Variants in PYGB observed in about 807,000 individuals in gnomAD.
The protein encoded by PYGB is glycogen phosphorylase B, also known as glycogen phosphorylase, brain form.
PYGB carries 82 observed loss-of-function variants against 94.3 expected under a neutral mutation model. That is an observed-to-expected ratio of 0.87 (90% CI 0.73 to 1.04). The LOEUF (loss-of-function observed/expected upper bound fraction) is 1.04, where lower values mean the gene tolerates loss of function less well. PYGB is among the 50% of genes least tolerant of loss of function. The pLI is 0.00. For missense variants in PYGB, 1,132 were observed against 1,158.2 expected (o/e 0.98, Z 0.33); for synonymous variants, 488 against 479.1 (o/e 1.02, Z -0.24).
intron 1 of PYGB, among the ~76,000 whole-genome samples, chr20:25,255,838 A>T (rs532654086): frequency 6.6e-6 from 1 of 151,522 alleles, no homozygotes; most frequent in Non-Finnish European, 1.5e-5. Flanking sequence ...GGTTCAGGCG[A>T]TTCTCCTGCC....
intron 18 of PYGB, chr20:25,294,988 C>T (rs533878622): frequency 1.2e-6 from 2 of 1,614,200 alleles, no homozygotes; most frequent in African/African-American, 1.3e-5. Context: ...CCAGCTCTGA[C>T]CACATGCTGG....
intron 16 of PYGB, 129 bp from the exon 17 acceptor site, chr20:25,292,277 C>G (rs371268299): frequency 1.3e-6 from 1 of 795,678 alleles, no homozygotes. Context: ...GGGGCTGGAG[C>G]GGGGCCACAG....
chr20:25,283,817 C>G (rs573379253), intron 13 of PYGB, among the ~76,000 whole-genome samples: 2 of 152,294 alleles, frequency 1.3e-5, no homozygotes, highest in Admixed American at 1.3e-4. Context: ...GCTGCTCCGC[C>G]GCCTGCACGC....
chr20:25,254,431 A>C lies in PYGB; in HGVS notation c.244-4806A>C, dbSNP rs1007573031. Among the ~76,000 whole-genome samples the C allele has an allele frequency of 3.9e-5, 6 of 152,196 alleles. No individual in the cohort carries two copies. The East Asian group carries it at 1.2e-3, about 29-fold the overall frequency. On this transcript the variant is annotated intron_variant, in intron 1 of 19. Transcript: ENST00000216962. ...CCTAAGACATGCAGCAAATAACCGCAGGAGATAGGAGCTGGCTTTTTCTCA... is the reference window on the plus strand; with the variant it reads ...CCTAAGACATGCAGCAAATAACCGCCGGAGATAGGAGCTGGCTTTTTCTCA...
intron 18 of PYGB, chr20:25,294,663 C>T (rs561728257): frequency 1.1e-5 from 6 of 567,924 alleles, no homozygotes; most frequent in South Asian, 5.8e-5. Context: ...GGGTAGGGGG[C>T]GCACAAGGGC....
chr20:25,295,781 G>C, intron 19 of PYGB, 111 bp downstream of exon 19: 1 of 1,253,220 alleles, frequency 8.0e-7, no homozygotes, highest in Non-Finnish European at 1.2e-6. Flanking sequence ...CTGGGCCAGA[G>C]GGGTTTGTGA....
intron 1 of PYGB, among the ~76,000 whole-genome samples, chr20:25,256,317 C>A (rs562804478): frequency 6.6e-6 from 1 of 151,666 alleles, no homozygotes; most frequent in Non-Finnish European, 1.5e-5. Context: ...ATATTTTCAT[C>A]TATTTTTGAG....
At chr20:25,285,069 C>T (rs532882332) in intron 14 of PYGB, 132 of 152,342 alleles carry the variant, frequency 8.7e-4, no homozygotes, top group African/African-American at 3.0e-3. Flanking sequence ...GAATAGATCT[C>T]CTATTCCCAA....
rs200245809 is a variant in PYGB at position 25,296,880 on chromosome 20, G to T, written c.*358G>T. ...TGTATTAGCCGATGTCTTTAGTGTT[G>T]AGCCTCTGGATTCTGGGGTCTGGGC... On this transcript the variant is annotated 3_prime_UTR_variant, in exon 20 of 20. Coordinates refer to ENST00000216962, the MANE Select transcript of PYGB (RefSeq NM_002862.4). 31 of 213,074 alleles carry T rather than the reference G, an allele frequency of 1.5e-4. No homozygotes were observed. Among genetic ancestry groups the T allele is most frequent in the Non-Finnish European group, 2.6e-4 (28 of 106,218 alleles). 13.2% of individuals were successfully genotyped at this position (213,074 alleles called of 1,614,324 possible). A position where few individuals can be genotyped will look rare whatever the true frequency, so the allele number is the denominator to read the frequency against.
At chr20:25,285,746 A>C (rs1600738617) in intron 14 of PYGB, among the ~76,000 whole-genome samples, 3 of 151,650 alleles carry the variant, frequency 2.0e-5, no homozygotes, top group Admixed American at 2.0e-4. Flanking sequence ...TCCTTCCCCC[A>C]CTGTCAGAGC....
chr20:25,249,143 T>A (rs1180311999), intron 1 of PYGB, among the ~76,000 whole-genome samples: 1 of 152,254 alleles, frequency 6.6e-6, no homozygotes, highest in Non-Finnish European at 1.5e-5. Context: ...CCCGTTACTC[T>A]TAACCATGTT....
chr20:25,250,789 AT>A (rs1384597274), intron 1 of PYGB, among the ~76,000 whole-genome samples: 2 of 152,150 alleles, frequency 1.3e-5, no homozygotes, highest in Admixed American at 1.3e-4. Context: ...TTTTATTGTT[AT>A]TTTTGTCTTT....
intron 1 of PYGB, 41 bp from the exon 2 acceptor site, chr20:25,259,196 G>A: frequency 6.6e-7 from 1 of 1,504,836 alleles, no homozygotes; most frequent in Non-Finnish European, 9.2e-7. Flanking sequence ...CTAAAGTGTA[G>A]AATGGAATGA....
chr20:25,273,310 G>C (rs949979860), intron 4 of PYGB, among the ~76,000 whole-genome samples: 1 of 152,202 alleles, frequency 6.6e-6, no homozygotes, highest in African/African-American at 2.4e-5. Context: ...ACAAGGAGAC[G>C]CCACCAGAAG....
intron 1 of PYGB, chr20:25,251,320 C>G (rs555599487): frequency 6.6e-6 from 1 of 152,222 alleles, no homozygotes; most frequent in African/African-American, 2.4e-5. Context: ...CCTTTCCATT[C>G]GGTCTGTGCA....
chr20:25,253,659 A>T (rs2092894733), intron 1 of PYGB, among the ~76,000 whole-genome samples: 1 of 150,466 alleles, frequency 6.6e-6, no homozygotes, highest in Admixed American at 6.6e-5. Context: ...AAATAAAATA[A>T]GGTAACCGAC....
chr20:25,252,646 C>G (rs117172904), intron 1 of PYGB, among the ~76,000 whole-genome samples: 1 of 152,322 alleles, frequency 6.6e-6, no homozygotes, highest in Non-Finnish European at 1.5e-5. Flanking sequence ...CAGGAACAGC[C>G]AGATAGAAGA....
At chr20:25,248,610 C>G (rs919407933) in intron 1 of PYGB, among the ~76,000 whole-genome samples, 189 bp downstream of exon 1, 1 of 151,974 alleles carries the variant, frequency 6.6e-6, no homozygotes, top group African/African-American at 2.4e-5. Flanking sequence ...GCGTCCCCTG[C>G]GCAGGGCCGC....
intron 17 of PYGB, 108 bp from the exon 18 acceptor site, chr20:25,294,050 C>T: frequency 6.7e-6 from 10 of 1,490,728 alleles, no homozygotes; most frequent in Non-Finnish European, 9.0e-6. Flanking sequence ...GCCTTGAGCT[C>T]CCAGGGCCAT....
Sources: gnomAD v4.1 joint callset for allele counts (sites outside exome capture counted in the v4.1 genomes callset) on GRCh38, gnomAD v4.1.1 for gene constraint, MANE v1.5 for transcripts, NCBI Gene and HGNC (gene_info 2026-07-23, HGNC 2026-07-21) for gene names.